MERTK: variants seen among roughly 807,000 people sequenced by gnomAD.
The protein encoded by MERTK is tyrosine-protein kinase Mer.
Under a neutral mutation model 99.3 loss-of-function variants are expected in MERTK, and 69 were observed. The ratio of observed to expected loss-of-function variants is 0.70; its 90% CI spans 0.57 to 0.85. The LOEUF (loss-of-function observed/expected upper bound fraction) is 0.85. MERTK is among the 40% of genes least tolerant of loss of function. The probability of loss-of-function intolerance (pLI) is 0.00; values close to 1 mark genes in which losing one functional copy is unlikely to be tolerated. For missense variants in MERTK, 1,125 were observed against 1,249.4 expected (o/e 0.90, Z 1.50); for synonymous variants, 426 against 467.6 (o/e 0.91, Z 1.15).
intron 4 of MERTK, among the ~76,000 whole-genome samples, chr2:111,956,744 C>T (rs749840908): frequency 1.8e-4 from 28 of 152,032 alleles, no homozygotes; most frequent in Non-Finnish European, 3.2e-4. Flanking sequence ...AATGTAACCT[C>T]AAAACTCCTG....
chr2:111,921,868 A>G (rs1684466106), intron 1 of MERTK, among the ~76,000 whole-genome samples: 1 of 151,968 alleles, frequency 6.6e-6, no homozygotes, highest in South Asian at 2.1e-4. Context: ...GCTGGGAGCC[A>G]CCACGCCTAG....
At chr2:111,968,101 G>GTGTA in intron 5 of MERTK, 36 bp from the exon 6 acceptor site, 1 of 689,574 alleles carries the variant, frequency 1.5e-6, no homozygotes, top group Non-Finnish European at 2.1e-6. Flanking sequence ...TTGTGTTTGT[G>GTGTA]TGTGTATGTG....
chr2:112,028,795 G>A lies in MERTK; in HGVS notation c.2931G>A (p.Leu977=). Residue 977 remains leucine (L), a synonymous_variant, in exon 19 of 19, where the codon TTG becomes TTA. Coordinates refer to ENST00000295408, the MANE Select transcript of MERTK (RefSeq NM_006343.3). ...GGTCCCATTCGAGCATGCTGCCCTT[G>A]GGAAGCTCATTGCCCGATGAACTTT... is the stretch of plus-strand genomic sequence containing the variant. ...VSWSHSSMLP[L]GSSLPDELLF... The A allele has an allele frequency of 6.2e-7, 1 of 1,614,088 alleles. No individual in the cohort carries two copies. Among genetic ancestry groups the A allele is most frequent in the Non-Finnish European group, 8.5e-7 (1 of 1,180,030 alleles).
At chr2:111,964,039 C>CTTTTTTTTTTT (rs1553451938) in intron 4 of MERTK, among the ~76,000 whole-genome samples, 93 of 40,470 alleles carry the variant, frequency 2.3e-3, no homozygotes, top group African/African-American at 6.2e-3. Context: ...CAAAAATTTT[C>CTTTTTTTTTTT]TTTCTTTTTT....
At chr2:111,991,955 T>C (rs1573625312) in intron 8 of MERTK, among the ~76,000 whole-genome samples, 1 of 152,172 alleles carries the variant, frequency 6.6e-6, no homozygotes, top group African/African-American at 2.4e-5. Context: ...TTGGGCACTT[T>C]AGGCCTCAGA....
chr2:112,019,614 G>T, intron 16 of MERTK, 92 bp downstream of exon 16: 2 of 962,628 alleles, frequency 2.1e-6, no homozygotes, highest in Admixed American at 1.7e-5. Context: ...GTTTAGATAG[G>T]CAAGGAAGCT....
chr2:111,917,429 A>G (rs1350729558), intron 1 of MERTK, among the ~76,000 whole-genome samples: 1 of 152,076 alleles, frequency 6.6e-6, no homozygotes, highest in Non-Finnish European at 1.5e-5. Flanking sequence ...TTTATTGTCT[A>G]AAAGTTTTCT....
intron 8 of MERTK, among the ~76,000 whole-genome samples, chr2:111,989,988 C>T (rs1368907944): frequency 3.9e-5 from 6 of 152,206 alleles, no homozygotes; most frequent in Non-Finnish European, 7.3e-5. Context: ...CCGTGGCATA[C>T]ACCCCATGAC....
At chr2:111,944,534 G>GTTTTATGGAATTATTC (rs1573589856) in intron 2 of MERTK, among the ~76,000 whole-genome samples, 1 of 23,604 alleles carries the variant, frequency 4.2e-5, no homozygotes, top group African/African-American at 1.6e-4. Flanking sequence ...TAAGGAATTA[G>GTTTTATGGAATTATTC]CTCACACACA....
intron 9 of MERTK, 137 bp from the exon 10 acceptor site, chr2:111,997,186 G>A (rs762810090): frequency 4.8e-6 from 5 of 1,041,472 alleles, no homozygotes; most frequent in Non-Finnish European, 7.5e-6. Flanking sequence ...CTTACACAAA[G>A]TGAGACCTGC....
chr2:111,993,092 A>G (rs939777954), intron 8 of MERTK, among the ~76,000 whole-genome samples: 3 of 151,904 alleles, frequency 2.0e-5, no homozygotes, highest in African/African-American at 7.3e-5. Context: ...ATTCTCATAC[A>G]CTTCTTGGTG....
At chr2:111,973,432 C>G (rs1472994332) in intron 6 of MERTK, among the ~76,000 whole-genome samples, 1 of 152,036 alleles carries the variant, frequency 6.6e-6, no homozygotes, top group East Asian at 1.9e-4. Flanking sequence ...TTGTCACCCA[C>G]GGGGTCTGAG....
At chr2:111,965,933 G>A (rs1331230207) in intron 5 of MERTK, among the ~76,000 whole-genome samples, 1 of 152,166 alleles carries the variant, frequency 6.6e-6, no homozygotes, top group Non-Finnish European at 1.5e-5. Flanking sequence ...GCACACATTT[G>A]AAGGCCTCCA....
intron 6 of MERTK, among the ~76,000 whole-genome samples, chr2:111,973,260 A>G (rs895896236): frequency 2.0e-5 from 3 of 152,072 alleles, no homozygotes; most frequent in Non-Finnish European, 4.4e-5. Flanking sequence ...AGGAGAGCCA[A>G]AGGTTTCCTC....
At chr2:111,983,542 A>G (rs1676414640) in intron 8 of MERTK, among the ~76,000 whole-genome samples, 1 of 152,232 alleles carries the variant, frequency 6.6e-6, no homozygotes, top group Admixed American at 6.5e-5. Context: ...ATTAGACATC[A>G]GAATTACTGG....
chr2:111,967,607 G>T (rs577317075), intron 5 of MERTK, among the ~76,000 whole-genome samples: 1 of 151,942 alleles, frequency 6.6e-6, no homozygotes, highest in African/African-American at 2.4e-5. Flanking sequence ...GTGTTTCCTC[G>T]GCCTGGAAAG....
Position 111,925,290 on chromosome 2 carries a change from A to ATTTTTTT in MERTK, c.62-3829_62-3828insTTTTTTT, listed in dbSNP as rs1336943200. Among the ~76,000 whole-genome samples, 41 of 31,488 alleles carry ATTTTTTT rather than the reference A, an allele frequency of 1.3e-3. 3 individuals are homozygous for ATTTTTTT. The highest frequency in any genetic ancestry group is 6.5e-3 in the East Asian group (7 of 1,082). The allele number at this position is 31,488 out of a possible 152,430, so 20.7% of individuals were successfully genotyped here. A position where few individuals can be genotyped will look rare whatever the true frequency, so the allele number is the denominator to read the frequency against. On this transcript the variant is annotated intron_variant, in intron 1 of 18. Transcript: ENST00000295408. The stretch of plus-strand genomic sequence containing the variant: ...GTACAGATCAGATATATATATATAT[A>ATTTTTTT]TATTTTTTTTTTTTTTTTTTTTTTT...
At chr2:112,012,368 T>C (rs1305494745) in intron 15 of MERTK, among the ~76,000 whole-genome samples, 1 of 133,886 alleles carries the variant, frequency 7.5e-6, no homozygotes, top group Non-Finnish European at 1.5e-5. Context: ...TTCTAAAAGA[T>C]GTTTGGGCCC....
chr2:111,991,442 C>A (rs1676613097), intron 8 of MERTK, among the ~76,000 whole-genome samples: 1 of 152,014 alleles, frequency 6.6e-6, no homozygotes, highest in Non-Finnish European at 1.5e-5. Context: ...GCCTGGCTGG[C>A]CTCGAACTCC....
Sources: allele counts gnomAD v4.1 joint callset (sites outside exome capture counted in the v4.1 genomes callset), GRCh38; gene constraint gnomAD v4.1.1; transcripts MANE v1.5; gene names NCBI Gene and HGNC (gene_info 2026-07-23, HGNC 2026-07-21).